The following PCTP variants were observed in gnomAD, a reference collection of about 807,000 sequenced individuals.
The protein encoded by PCTP is START domain-containing protein 2.
Under a neutral mutation model 31.0 loss-of-function variants are expected in PCTP, and 27 were observed. The ratio of observed to expected loss-of-function variants is 0.87; its 90% CI spans 0.64 to 1.20. The LOEUF (loss-of-function observed/expected upper bound fraction) is 1.20. Ranked by LOEUF, PCTP falls within the 50% of genes most tolerant of loss-of-function variation. The pLI, the probability that PCTP is intolerant of heterozygous loss-of-function variation, is 0.00. For missense variants in PCTP, 287 were observed against 268.2 expected (o/e 1.07, Z -0.49); for synonymous variants, 108 against 101.2 (o/e 1.07, Z -0.40).
intron 3 of PCTP, among the ~76,000 whole-genome samples, chr17:55,813,675 G>T (rs1003027699): frequency 6.6e-6 from 1 of 152,114 alleles, no homozygotes; most frequent in Non-Finnish European, 1.5e-5. Flanking sequence ...GTCTTTGCTC[G>T]TGCATCATCT....
intron 2 of PCTP, chr17:55,768,862 G>A (rs1910831373): frequency 6.6e-6 from 1 of 152,128 alleles, no homozygotes; most frequent in Non-Finnish European, 1.5e-5. Context: ...CAGTCATAGT[G>A]GAATGGAACT....
At chr17:55,836,517 C>T (rs1905782558) in intron 5 of PCTP, among the ~76,000 whole-genome samples, 7 of 152,196 alleles carry the variant, frequency 4.6e-5, no homozygotes, top group Admixed American at 4.6e-4. Context: ...CAATGGCCAC[C>T]TAACGCATAT....
rs77003403 is a variant in PCTP, at chr17:55,798,022, G to T, written c.317+10368G>T. ...TTAAATAAAAAGATGGAAAACTTTA[G>T]CTGGGAATCAGACTGTATTAAAAAA... On this transcript the variant is annotated intron_variant, in intron 3 of 3. Coordinates refer to the PCTP transcript ENST00000572536. Among the ~76,000 whole-genome samples the T allele has an allele frequency of 8.4e-4, 128 of 151,974 alleles. 1 individual carries two copies. The East Asian group carries it at 0.024, about 29-fold the overall frequency.
At chr17:55,806,632 A>C (rs1403206800) in intron 3 of PCTP, among the ~76,000 whole-genome samples, 1 of 152,138 alleles carries the variant, frequency 6.6e-6, no homozygotes, top group Non-Finnish European at 1.5e-5. Flanking sequence ...TCAAGTGAAC[A>C]TCTGTACAAC....
downstream of PCTP, among the ~76,000 whole-genome samples, chr17:55,778,710 G>A (rs139354242): frequency 1.9e-3 from 285 of 152,222 alleles, no homozygotes; most frequent in Non-Finnish European, 3.5e-3. Flanking sequence ...TGCTGGTGTG[G>A]CTATGGGTTA....
the PCTP span, among the ~76,000 whole-genome samples, chr17:55,849,078 A>C: frequency 6.6e-6 from 1 of 152,198 alleles, no homozygotes; most frequent in African/African-American, 2.4e-5. Flanking sequence ...CAGATGAACT[A>C]GATATTGCAA....
chr17:55,824,268 T>G (rs1191308789), downstream of PCTP, among the ~76,000 whole-genome samples: 5 of 151,962 alleles, frequency 3.3e-5, no homozygotes, highest in Non-Finnish European at 7.4e-5. Context: ...CACCTGCCTG[T>G]TAAACTGGTT....
chr17:55,788,352 C>T (rs1242582844), intron 3 of PCTP, among the ~76,000 whole-genome samples: 1 of 152,150 alleles, frequency 6.6e-6, no homozygotes, highest in Non-Finnish European at 1.5e-5. Flanking sequence ...TTCCTTCCTT[C>T]TATGGAACAC....
chr17:55,802,923 C>G (rs1364031718), intron 3 of PCTP, among the ~76,000 whole-genome samples: 1 of 152,146 alleles, frequency 6.6e-6, no homozygotes, highest in African/African-American at 2.4e-5. Context: ...CAAATTGTCT[C>G]TATTTGCAGA....
intron 1 of PCTP, chr17:55,751,489 C>A: frequency 6.6e-7 from 1 of 1,521,022 alleles, no homozygotes; most frequent in African/African-American, 1.4e-5. Flanking sequence ...TCAGGCCCGA[C>A]GGGGCATGTA....
chr17:55,751,343 C>T, intron 1 of PCTP, 99 bp downstream of exon 1: 2 of 1,527,486 alleles, frequency 1.3e-6, no homozygotes, highest in South Asian at 1.2e-5. Context: ...GGGACAGGGG[C>T]GCGTCTTCTC....
At chr17:55,835,165 CT>C (rs774502558) in intron 5 of PCTP, among the ~76,000 whole-genome samples, 21 of 152,122 alleles carry the variant, frequency 1.4e-4, no homozygotes, top group Non-Finnish European at 2.5e-4. Flanking sequence ...CCCTTAGAGA[CT>C]TCAGAGGGAG....
rs13477 is a variant in PCTP, at chr17:55,777,070, C to T, written c.*970C>T. 4 of 985,814 alleles carry T rather than the reference C, an allele frequency of 4.1e-6. No individual in the cohort carries two copies. Among genetic ancestry groups the T allele is most frequent in the Non-Finnish European group, 4.8e-6 (4 of 829,928 alleles). 61.1% of individuals were successfully genotyped at this position (985,814 alleles called of 1,614,324 possible). On this transcript the variant is annotated 3_prime_UTR_variant, in exon 6 of 6. Coordinates refer to ENST00000268896, the MANE Select transcript of PCTP (RefSeq NM_021213.4). The stretch of plus-strand genomic sequence containing the variant: ...TAACTGGTGGCTTAATGACTCTGCA[C>T]CTTTTTCTCAGGAATTCTGCCTAAG...
chr17:55,817,749 C>T (rs1211582852), intron 3 of PCTP, among the ~76,000 whole-genome samples: 1 of 152,158 alleles, frequency 6.6e-6, no homozygotes, highest in South Asian at 2.1e-4. Flanking sequence ...TGAAAGAGAA[C>T]AAGAAAATGT....
chr17:55,817,029 A>G (rs1055619616), intron 3 of PCTP, among the ~76,000 whole-genome samples: 2 of 152,246 alleles, frequency 1.3e-5, no homozygotes, highest in African/African-American at 4.8e-5. Flanking sequence ...TGCAAGAAAG[A>G]TGGAGCTTAC....
At chr17:55,757,531 T>C (rs925066162) in intron 1 of PCTP, among the ~76,000 whole-genome samples, 2 of 134,696 alleles carry the variant, frequency 1.5e-5, no homozygotes, top group Non-Finnish European at 3.3e-5. Flanking sequence ...CACACACATA[T>C]AGTATATATG....
chr17:55,844,838 C>T (rs530597619), downstream of PCTP, among the ~76,000 whole-genome samples: 1 of 151,850 alleles, frequency 6.6e-6, no homozygotes, highest in Non-Finnish European at 1.5e-5. Flanking sequence ...GCCTAAAATC[C>T]CAGCACTTTG....
intron 5 of PCTP, chr17:55,775,293 T>A: frequency 8.1e-7 from 1 of 1,236,322 alleles, no homozygotes; most frequent in Non-Finnish European, 1.0e-6. Context: ...CTTTTTTTTT[T>A]TTCTTTTTCT....
At position 55,799,861 on chromosome 17, in the gene PCTP, G is replaced by C. The variant is rs1341602039; in HGVS notation, c.317+12207G>C. Among the ~76,000 whole-genome samples, 3 of 152,112 alleles carry C rather than the reference G, an allele frequency of 2.0e-5. No homozygotes were observed. In the East Asian group the frequency reaches 5.8e-4, roughly 29 times the overall value. The stretch of plus-strand genomic sequence containing the variant: ...TAGTTTGGCTGGATATGAAATTCTG[G>C]TTTGAAAATTCCTTTGTTTAAGAAT... On this transcript the variant is annotated intron_variant, in intron 3 of 3. Coordinates refer to the PCTP transcript ENST00000572536.
Sources: allele counts gnomAD v4.1 joint callset (sites outside exome capture counted in the v4.1 genomes callset), GRCh38; gene constraint gnomAD v4.1.1; transcripts MANE v1.5; gene names NCBI Gene and HGNC (gene_info 2026-07-23, HGNC 2026-07-21).